The following SEPTIN9 variants were observed in gnomAD, a reference collection of about 807,000 sequenced individuals.
SEPTIN9 encodes septin 9.
In SEPTIN9, 13 loss-of-function variants were observed where a neutral mutation model predicts 56.6. That is an observed-to-expected ratio of 0.23 (90% CI 0.15 to 0.37). The LOEUF is 0.37. Among genes scored for constraint, SEPTIN9 ranks in the 10% least tolerant of loss-of-function variants. The pLI, the probability that SEPTIN9 is intolerant of heterozygous loss-of-function variation, is 1.00. For missense variants in SEPTIN9, 650 were observed against 823.1 expected (o/e 0.79, Z 2.57); for synonymous variants, 332 against 334.1 (o/e 0.99, Z 0.07).
intron 10 of SEPTIN9, among the ~76,000 whole-genome samples, chr17:77,494,392 A>C (rs951457892): frequency 3.9e-5 from 6 of 152,220 alleles, no homozygotes; most frequent in African/African-American, 1.4e-4. Context: ...AGGGAAATGC[A>C]GCAGGAAAAG....
intron 3 of SEPTIN9, among the ~76,000 whole-genome samples, chr17:77,409,759 G>A (rs971853898): frequency 3.6e-4 from 55 of 152,350 alleles, no homozygotes; most frequent in Non-Finnish European, 6.0e-4. Context: ...CTGCACAATG[G>A]CGAGCCTGTC....
In SEPTIN9 at chr17:77,330,827, T is replaced by C. The variant is rs7217100; in HGVS notation, c.76+23630T>C. On this transcript the variant is annotated intron_variant, in intron 2 of 11. Transcript: ENST00000427177. The surrounding 1 kb of genome is among the most constrained non-coding windows in gnomAD (Gnocchi z 4.4). ...CTTTCCTCAGAGTTGCACTGTCTCC[T>C]TCACTGTCCCTGCCTGGCCCCAGTG... 0.96 allele frequency among the ~76,000 whole-genome samples: 145,830 copies of C among 152,350 alleles called. 69,863 individuals are homozygous for C. Among genetic ancestry groups the C allele is most frequent in the East Asian group, 1 (5,181 of 5,182 alleles).
chr17:77,497,147 G>A, intron 10 of SEPTIN9, 168 bp from the exon 11 acceptor site: 1 of 702,176 alleles, frequency 1.4e-6, no homozygotes, highest in Non-Finnish European at 2.6e-6. Context: ...GCAGTGCCAG[G>A]TGTCCTATAC....
intron 11 of SEPTIN9, 73 bp from the exon 12 acceptor site, chr17:77,498,450 G>A: frequency 1.1e-6 from 1 of 869,984 alleles, no homozygotes; most frequent in South Asian, 1.4e-5. Flanking sequence ...GGCAGGCCGA[G>A]CAGGGCCCCT....
chr17:77,460,175 C>T (rs1347778123), intron 3 of SEPTIN9, among the ~76,000 whole-genome samples: 11 of 151,830 alleles, frequency 7.2e-5, no homozygotes, highest in Admixed American at 3.9e-4. Context: ...TCTGTGCGTG[C>T]GTCAGTTTCT....
Position 77,445,250 on chromosome 17 carries a change from C to G in SEPTIN9, c.722-36894C>G. 1 of 470,520 alleles carries G rather than the reference C, an allele frequency of 2.1e-6. No individual in the cohort carries two copies. The highest frequency in any genetic ancestry group is 4.4e-6 in the Non-Finnish European group (1 of 227,056). 29.1% of individuals were successfully genotyped at this position (470,520 alleles called of 1,614,324 possible). On this transcript the variant is annotated intron_variant, in intron 3 of 11. Transcript: ENST00000427177. This position sits in a 1 kb window ranked among gnomAD's most constrained non-coding sequence, Gnocchi z 4.7. Reference sequence around the variant, plus strand: ...TCACAGCTACAAATGCATACCAGCCCTCAGAACCACATTCCTGCTCCCCAG... The same window carrying G: ...TCACAGCTACAAATGCATACCAGCCGTCAGAACCACATTCCTGCTCCCCAG...
Position 77,327,342 on chromosome 17 carries a change from G to A in SEPTIN9, c.76+20145G>A, listed in dbSNP as rs1000022520. On this transcript the variant is annotated intron_variant, in intron 2 of 11. Transcript: ENST00000427177. The surrounding 1 kb of genome is among the most constrained non-coding windows in gnomAD (Gnocchi z 5.0). ...CTTGCTCTGGGCACCCCCCCACTCC[G>A]AACGGCCAGAGCTTCTGAAGCCGCT... Among the ~76,000 whole-genome samples the A allele has an allele frequency of 2.6e-5, 4 of 152,242 alleles. No individual in the cohort carries two copies. Among genetic ancestry groups the A allele is most frequent in the East Asian group, 1.9e-4 (1 of 5,168 alleles).
rs747820518 is a variant in SEPTIN9 at position 77,393,620 on chromosome 17, G to A, written c.77-8439G>A. On this transcript the variant is annotated intron_variant, in intron 2 of 11. Coordinates refer to ENST00000427177, the MANE Select transcript of SEPTIN9 (RefSeq NM_001113491.2). The stretch of plus-strand genomic sequence containing the variant: ...TTATTTTTATTTGAGATGGAGTTGC[G>A]CTCTTGTTGCCCAGGATAGAGTGCA... 9.9e-5 allele frequency among the ~76,000 whole-genome samples: 15 copies of A among 152,036 alleles called. No homozygotes were observed. The East Asian group carries it at 1.5e-3, about 16-fold the overall frequency.
At chr17:77,328,928 G>A (rs568418098) in intron 2 of SEPTIN9, among the ~76,000 whole-genome samples, 47 of 152,338 alleles carry the variant, frequency 3.1e-4, no homozygotes, top group African/African-American at 1.0e-3. Flanking sequence ...ACACTGAGCT[G>A]AAGCTGTAAT....
chr17:77,357,250 A>G (rs1235929225), intron 2 of SEPTIN9, among the ~76,000 whole-genome samples: 1 of 152,168 alleles, frequency 6.6e-6, no homozygotes, highest in Non-Finnish European at 1.5e-5. Context: ...CAAGAAGAAG[A>G]ACAAGGACAC....
chr17:77,388,711 G>C (rs11869062), intron 2 of SEPTIN9, among the ~76,000 whole-genome samples: 1 of 152,030 alleles, frequency 6.6e-6, no homozygotes, highest in Non-Finnish European at 1.5e-5. Flanking sequence ...ATATTGGCTC[G>C]GGCAGAGGCC....
Position 77,492,534 on chromosome 17 carries a change from C to T in SEPTIN9, c.1381-87C>T. On this transcript the variant is annotated intron_variant, in intron 8 of 11. Transcript: ENST00000427177. This position sits in a 1 kb window ranked among gnomAD's most constrained non-coding sequence, Gnocchi z 5.4. ...CCTTGAACCCGAGCCTGGGGCAGCA[C>T]ACAGTGTGGAGGTCATGTGGCAAAC... 2 of 1,208,304 alleles carry T rather than the reference C, an allele frequency of 1.7e-6. No individual in the cohort carries two copies. The highest frequency in any genetic ancestry group is 2.5e-6 in the Non-Finnish European group (2 of 810,478). 74.8% of individuals were successfully genotyped at this position (1,208,304 alleles called of 1,614,324 possible). A position where few individuals can be genotyped will look rare whatever the true frequency, so the allele number is the denominator to read the frequency against.
intron 2 of SEPTIN9, among the ~76,000 whole-genome samples, chr17:77,386,499 C>T (rs1047255322): frequency 6.6e-6 from 1 of 152,198 alleles, no homozygotes; most frequent in South Asian, 2.1e-4. Context: ...GTTGGCAGCT[C>T]AGGGCAGTGG....
intron 1 of SEPTIN9, among the ~76,000 whole-genome samples, chr17:77,290,627 A>C (rs2031501266): frequency 1.3e-5 from 2 of 150,950 alleles, no homozygotes; most frequent in African/African-American, 2.4e-5. Context: ...GAAGATCGAG[A>C]CCATGGTGAA....
chr17:77,426,410 G>C (rs2036914207), intron 3 of SEPTIN9, among the ~76,000 whole-genome samples: 1 of 152,102 alleles, frequency 6.6e-6, no homozygotes, highest in Non-Finnish European at 1.5e-5. Context: ...CCTGGATGGA[G>C]AATCTGTTCA....
intron 3 of SEPTIN9, among the ~76,000 whole-genome samples, chr17:77,474,490 A>G (rs72887174): frequency 6.6e-6 from 1 of 152,200 alleles, no homozygotes; most frequent in Non-Finnish European, 1.5e-5. Flanking sequence ...GCTGGCGGGT[A>G]GAATCTTCTC....
At chr17:77,395,765 T>C (rs1188439756) in intron 2 of SEPTIN9, among the ~76,000 whole-genome samples, 1 of 152,222 alleles carries the variant, frequency 6.6e-6, no homozygotes, top group Non-Finnish European at 1.5e-5. Flanking sequence ...TGTCCTGCTA[T>C]TTTTACTTAA....
chr17:77,499,613 C>T lies in SEPTIN9; in HGVS notation c.*955C>T, dbSNP rs116655270. On this transcript the variant is annotated 3_prime_UTR_variant, in exon 12 of 12. Coordinates refer to ENST00000427177, the MANE Select transcript of SEPTIN9 (RefSeq NM_001113491.2). ...GCTGGTCAGAGTGGCGTGAGCTGCC[C>T]GGCGCCTGCCCTGCCCAAGTGACCA... is the stretch of plus-strand genomic sequence containing the variant. 4,928 of 436,308 alleles carry T rather than the reference C, an allele frequency of 0.011. 175 individuals are homozygous for T. The highest frequency in any genetic ancestry group is 0.079 in the African/African-American group (3,987 of 50,656). 27.0% of individuals were successfully genotyped at this position (436,308 alleles called of 1,614,324 possible).
At position 77,487,541 on chromosome 17, in the gene SEPTIN9, C is replaced by T; in HGVS notation, c.1031C>T (p.Ser344Phe). The change falls in exon 5 of 12, where the codon TCC (serine) becomes TTC (phenylalanine). Residue 344 changes from serine to phenylalanine, a missense_variant. Ser to Phe is a radical substitution (Grantham distance 155, BLOSUM62 -2). Transcript: ENST00000427177. This position sits in a 1 kb window ranked among gnomAD's most constrained non-coding sequence, Gnocchi z 4.3. ...ERIPKTIEIK[S>F]ITHDIEEKGV... Reference sequence around the variant, plus strand: ...ATCCCCAAGACCATCGAGATCAAGTCCATCACGCACGGTCAGTGGCCGGGA... The same window carrying T: ...ATCCCCAAGACCATCGAGATCAAGTTCATCACGCACGGTCAGTGGCCGGGA... 6.2e-7 allele frequency: 1 copy of T among 1,613,454 alleles called. No individual in the cohort carries two copies. The highest frequency in any genetic ancestry group is 8.5e-7 in the Non-Finnish European group (1 of 1,179,836).
Sources: gnomAD v4.1 joint callset for allele counts (sites outside exome capture counted in the v4.1 genomes callset) on GRCh38, gnomAD v4.1.1 for gene constraint, Gnocchi (gnomAD v3.1) non-coding constraint, MANE v1.5 for transcripts, NCBI Gene and HGNC (gene_info 2026-07-23, HGNC 2026-07-21) for gene names.